The following ABCC3 variants were observed in gnomAD, a reference collection of about 807,000 sequenced individuals.
ABCC3 encodes the protein ATP-binding cassette sub-family C member 3.
ABCC3 carries 121 observed loss-of-function variants against 165.3 expected under a neutral mutation model. That is an observed-to-expected ratio of 0.73 (90% CI 0.63 to 0.85). The LOEUF (loss-of-function observed/expected upper bound fraction) is 0.85. Among genes scored for constraint, ABCC3 ranks in the 40% least tolerant of loss-of-function variants. The pLI is 0.00. For missense variants in ABCC3, 1,869 were observed against 1,964.1 expected, an observed-to-expected ratio of 0.95 and a Z score of 0.92; for synonymous variants, 733 against 810.1, an observed-to-expected ratio of 0.90 and a Z score of 1.62.
chr17:50,669,936 C>T (rs1967612005), intron 17 of ABCC3, among the ~76,000 whole-genome samples: 1 of 152,160 alleles, frequency 6.6e-6, no homozygotes, highest in Non-Finnish European at 1.5e-5. Context: ...TCTGGGACCA[C>T]AGGCACATGC....
At position 50,673,990 on chromosome 17, in the gene ABCC3, C is replaced by CTTTCTTTCTTTCTT. The variant is rs1567835610; in HGVS notation, c.2599+333_2599+334insTTCTTTCTTTCTTT. 3.3e-3 allele frequency among the ~76,000 whole-genome samples: 27 copies of CTTTCTTTCTTTCTT among 8,162 alleles called. 10 individuals are homozygous for CTTTCTTTCTTTCTT. Among genetic ancestry groups the CTTTCTTTCTTTCTT allele is most frequent in the Admixed American group, 0.011 (8 of 706 alleles). 5.4% of individuals were successfully genotyped at this position (8,162 alleles called of 152,430 possible). A position where few individuals can be genotyped will look rare whatever the true frequency, so the allele number is the denominator to read the frequency against. ...TTTCTTTCTTTCTTTCTCTCTCTCT[C>CTTTCTTTCTTTCTT]TCTCTCTCTCTCTCTCTCTCTCTCT... is the stretch of plus-strand genomic sequence containing the variant. On this transcript the variant is annotated intron_variant, in intron 19 of 30. Coordinates refer to ENST00000285238, the MANE Select transcript of ABCC3 (RefSeq NM_003786.4).
At chr17:50,642,654 C>T (rs1465463107) in intron 1 of ABCC3, among the ~76,000 whole-genome samples, 1 of 152,178 alleles carries the variant, frequency 6.6e-6, no homozygotes, top group African/African-American at 2.4e-5. Context: ...TTCAAGGGCA[C>T]GAAGGGGCTC....
At chr17:50,648,411 C>T (rs1479940658) in intron 1 of ABCC3, among the ~76,000 whole-genome samples, 1 of 152,186 alleles carries the variant, frequency 6.6e-6, no homozygotes, top group Non-Finnish European at 1.5e-5. Flanking sequence ...TTATCCATCT[C>T]CTCTCAAAGC....
intron 1 of ABCC3, chr17:50,635,731 G>T: frequency 1.6e-6 from 1 of 631,188 alleles, no homozygotes. Context: ...AGAAAAACAG[G>T]CTACAGGCCA....
intron 1 of ABCC3, among the ~76,000 whole-genome samples, chr17:50,641,560 C>T (rs1342423047): frequency 6.6e-6 from 1 of 152,168 alleles, no homozygotes; most frequent in African/African-American, 2.4e-5. Flanking sequence ...GCAGAGGCTG[C>T]GGCTGGAGTT....
intron 27 of ABCC3, 35 bp from the exon 28 acceptor site, chr17:50,683,914 C>T: frequency 6.2e-7 from 1 of 1,604,412 alleles, no homozygotes; most frequent in Non-Finnish European, 8.5e-7. Flanking sequence ...GACCTCTCAG[C>T]TTCCCCCTCA....
At chr17:50,671,453 T>C (rs1381985366) in intron 17 of ABCC3, among the ~76,000 whole-genome samples, 1 of 152,108 alleles carries the variant, frequency 6.6e-6, no homozygotes, top group African/African-American at 2.4e-5. Flanking sequence ...TTTCTGTTCC[T>C]AGGAATTTGA....
chr17:50,678,269 A>G (rs916509498), intron 25 of ABCC3, 50 bp downstream of exon 25: 1 of 1,503,350 alleles, frequency 6.7e-7, no homozygotes, highest in Admixed American at 2.3e-5. Context: ...GACAGAAACC[A>G]CACAGGTGTT....
intron 19 of ABCC3, among the ~76,000 whole-genome samples, chr17:50,673,968 C>CTTTG: frequency 5.9e-5 from 1 of 17,014 alleles, no homozygotes; most frequent in South Asian, 2.5e-3. Flanking sequence ...TTCTTTCTTT[C>CTTTG]TTTCTTTCTT....
intron 7 of ABCC3, among the ~76,000 whole-genome samples, 194 bp downstream of exon 7, chr17:50,659,562 G>A (rs780216992): frequency 1.3e-5 from 2 of 152,172 alleles, no homozygotes; most frequent in African/African-American, 2.4e-5. Flanking sequence ...CAGCTCTGGT[G>A]GGGGCAGGAG....
chr17:50,659,506 G>A lies in ABCC3; in HGVS notation c.806+138G>A, dbSNP rs552892733. On this transcript the variant is annotated intron_variant, in intron 7 of 30. Transcript: ENST00000285238. ...GACCAGGTGATTTCTTGGCAGCCTC[G>A]GGACCATTCTATGGGAAGCTTAGGC... is the stretch of plus-strand genomic sequence containing the variant. The A allele has an allele frequency of 2.1e-4, 219 of 1,060,442 alleles. 1 individual carries two copies. In the African/African-American group the frequency reaches 2.8e-3, roughly 14 times the overall value. 65.7% of individuals were successfully genotyped at this position (1,060,442 alleles called of 1,614,324 possible). A position where few individuals can be genotyped will look rare whatever the true frequency, so the allele number is the denominator to read the frequency against.
rs41280128 is a variant in ABCC3 at position 50,683,701 on chromosome 17, C to T, written c.3899C>T (p.Pro1300Leu). Residue 1300 changes from proline (P) to leucine (L), a missense_variant, in exon 27 of 31, where the codon CCG (proline) becomes CTG (leucine). Transcript: ENST00000285238. ...CGGAATTATTCTGTGCGCTACCGGC[C>T]GGGCCTAGACCTGGTGCTGAGAGAC... ...EFRNYSVRYRPGLDLVLRDLS... is the reference protein window; with the variant it reads ...EFRNYSVRYRLGLDLVLRDLS... 1.2e-3 allele frequency: 1,991 copies of T among 1,608,322 alleles called. 2 individuals carry two copies. The highest frequency in any genetic ancestry group is 1.6e-3 in the Non-Finnish European group (1,881 of 1,177,598).
intron 6 of ABCC3, 90 bp downstream of exon 6, chr17:50,658,586 C>A: frequency 7.0e-7 from 1 of 1,420,822 alleles, no homozygotes; most frequent in Non-Finnish European, 9.9e-7. Context: ...AGTTTAGGGA[C>A]CGGGCTGGCC....
Position 50,691,257 on chromosome 17 carries a change from A to C in ABCC3, c.*57A>C, listed in dbSNP as rs1275510052. On this transcript the variant is annotated 3_prime_UTR_variant, in exon 31 of 31. Coordinates refer to ENST00000285238, the MANE Select transcript of ABCC3 (RefSeq NM_003786.4). ...CCTGGTTTTCATCAGGAAGGAAATG[A>C]CACCAAATATGTCCGCAGAATGGAC... 3.6e-6 allele frequency: 5 copies of C among 1,375,952 alleles called. No homozygotes were observed. The African/African-American group carries it at 5.7e-5, about 16-fold the overall frequency. 85.2% of individuals were successfully genotyped at this position (1,375,952 alleles called of 1,614,324 possible). A position where few individuals can be genotyped will look rare whatever the true frequency, so the allele number is the denominator to read the frequency against.
At chr17:50,677,145 G>A (rs1387719971) in intron 23 of ABCC3, among the ~76,000 whole-genome samples, 2 of 152,224 alleles carry the variant, frequency 1.3e-5, no homozygotes, top group Non-Finnish European at 2.9e-5. Context: ...GCCTCCCAAA[G>A]TGCTGGGATT....
intron 1 of ABCC3, among the ~76,000 whole-genome samples, chr17:50,642,600 C>G (rs1966913685): frequency 6.6e-6 from 1 of 152,224 alleles, no homozygotes; most frequent in Admixed American, 6.5e-5. Context: ...GGGAGGTGAC[C>G]AGATGCTGTC....
intron 23 of ABCC3, 108 bp from the exon 24 acceptor site, chr17:50,677,636 G>C: frequency 8.9e-7 from 1 of 1,127,182 alleles, no homozygotes; most frequent in Non-Finnish European, 1.3e-6. Context: ...CGTGGTGGGA[G>C]TGAGGCTGGC....
intron 29 of ABCC3, among the ~76,000 whole-genome samples, chr17:50,685,117 A>G (rs1221013044): frequency 6.6e-6 from 1 of 152,204 alleles, no homozygotes; most frequent in East Asian, 1.9e-4. Flanking sequence ...AGGCTCAGAG[A>G]TGGTAAAGGG....
chr17:50,636,065 G>T (rs2054176969), intron 1 of ABCC3: 1 of 153,738 alleles, frequency 6.5e-6, no homozygotes, highest in South Asian at 2.0e-4. Context: ...CCTCTATGAG[G>T]CAAGTGATCA....
Sources: gnomAD v4.1 joint callset for allele counts (sites outside exome capture counted in the v4.1 genomes callset) on GRCh38, gnomAD v4.1.1 for gene constraint, MANE v1.5 for transcripts, NCBI Gene and HGNC (gene_info 2026-07-23, HGNC 2026-07-21) for gene names.